CNIH4: variants seen among roughly 807,000 people sequenced by gnomAD.
CNIH4 encodes cornichon family member 4, also known as protein cornichon homolog 4.
In CNIH4, 9 loss-of-function variants were observed where a neutral mutation model predicts 21.5. The ratio of observed to expected loss-of-function variants is 0.42; its 90% CI spans 0.25 to 0.73. The LOEUF is 0.73. Ranked by LOEUF, CNIH4 falls within the 30% of genes least tolerant of loss-of-function variation. The pLI, the probability that CNIH4 is intolerant of heterozygous loss-of-function variation, is 0.27. For synonymous variants in CNIH4, 67 were observed against 59.1 expected, an observed-to-expected ratio of 1.13 and a Z score of -0.61; for missense variants, 159 against 170.0, an observed-to-expected ratio of 0.94 and a Z score of 0.36.
rs181853394 is a variant in CNIH4, at chr1:224,364,295, G to T, written c.139-1584G>T. 1.2e-4 allele frequency: 116 copies of T among 985,424 alleles called. 3 individuals carry two copies. In the African/African-American group the frequency reaches 1.4e-3, roughly 12 times the overall value. The allele number at this position is 985,424 out of a possible 1,614,324, so 61.0% of individuals were successfully genotyped here. ...GTGTCTGTGTAATACAAAGATGACT[G>T]CAGCCTACAGTAAGAAATCCAGAGA... On this transcript the variant is annotated intron_variant, in intron 2 of 4. Transcript: ENST00000465271.
chr1:224,376,711 C>T lies in CNIH4; in HGVS notation c.*889C>T. ...AACACTTCTATCCCTCTGCACTGAC[C>T]ACGTTGTGAACTGGGAGACCAAATG... On this transcript the variant is annotated 3_prime_UTR_variant, in exon 5 of 5. Transcript: ENST00000465271. 1 of 985,414 alleles carries T rather than the reference C, an allele frequency of 1.0e-6. No individual in the cohort carries two copies. The highest frequency in any genetic ancestry group is 1.2e-6 in the Non-Finnish European group (1 of 829,932). The allele number at this position is 985,414 out of a possible 1,614,324, so 61.0% of individuals were successfully genotyped here. A position where few individuals can be genotyped will look rare whatever the true frequency, so the allele number is the denominator to read the frequency against.
At chr1:224,361,423 G>C (rs1302051245) in intron 2 of CNIH4, among the ~76,000 whole-genome samples, 2 of 151,086 alleles carry the variant, frequency 1.3e-5, no homozygotes, top group Non-Finnish European at 3.0e-5. Context: ...CAGCCACCTG[G>C]CTAATTTTTA....
intron 2 of CNIH4, chr1:224,364,319 G>A: frequency 1.0e-6 from 1 of 985,404 alleles, no homozygotes; most frequent in Non-Finnish European, 1.2e-6. Context: ...GAAATCCAGA[G>A]ACTGAAGGCT....
Position 224,365,796 on chromosome 1 carries a change from C to T in CNIH4, c.139-83C>T, listed in dbSNP as rs552252653. 2.1e-5 allele frequency: 18 copies of T among 870,958 alleles called. No individual in the cohort carries two copies. In the East Asian group the frequency reaches 2.4e-4, roughly 12 times the overall value. 54.0% of individuals were successfully genotyped at this position (870,958 alleles called of 1,614,324 possible). A position where few individuals can be genotyped will look rare whatever the true frequency, so the allele number is the denominator to read the frequency against. On this transcript the variant is annotated intron_variant, in intron 2 of 4. Coordinates refer to ENST00000465271, the MANE Select transcript of CNIH4 (RefSeq NM_014184.4). ...AACAGTAGCTTGTAAATTCTCTGTACGTTCATTGATTTAGTTTCAAATAAC... is the reference window on the plus strand; with the variant it reads ...AACAGTAGCTTGTAAATTCTCTGTATGTTCATTGATTTAGTTTCAAATAAC...
At chr1:224,369,663 T>G (rs1012541249) in intron 3 of CNIH4, among the ~76,000 whole-genome samples, 2 of 151,362 alleles carry the variant, frequency 1.3e-5, no homozygotes, top group Middle Eastern at 3.4e-3. Context: ...ATACCCCGTT[T>G]ACCCTGATGT....
chr1:224,371,898 C>T (rs1013476285), intron 4 of CNIH4, among the ~76,000 whole-genome samples: 4 of 152,144 alleles, frequency 2.6e-5, no homozygotes, highest in South Asian at 2.1e-4. Context: ...GCCAGGATCG[C>T]GCCATTGCAC....
In CNIH4 at chr1:224,379,134, G is replaced by C. The variant is rs1672853604; in HGVS notation, c.*3312G>C. 1 of 1,548,894 alleles carries C rather than the reference G, an allele frequency of 6.5e-7. No individual in the cohort carries two copies. The highest frequency in any genetic ancestry group is 8.7e-7 in the Non-Finnish European group (1 of 1,145,482). On this transcript the variant is annotated 3_prime_UTR_variant, in exon 5 of 5. Coordinates refer to ENST00000465271, the MANE Select transcript of CNIH4 (RefSeq NM_014184.4). ...AGAAAGAAGAGGAAGCGAAATCCAA[G>C]ATGCAGCTCAGTTCATCAAAGCCTA...
chr1:224,371,052 T>A (rs1672609826), intron 3 of CNIH4, among the ~76,000 whole-genome samples: 1 of 152,046 alleles, frequency 6.6e-6, no homozygotes, highest in South Asian at 2.1e-4. Context: ...AATTTTTGTA[T>A]TTTTAGTAGA....
chr1:224,369,920 C>T (rs1035226451), intron 3 of CNIH4, among the ~76,000 whole-genome samples: 14 of 152,034 alleles, frequency 9.2e-5, no homozygotes, highest in Middle Eastern at 3.4e-3. Flanking sequence ...GCAATCCTCC[C>T]GCCTCGGCCT....
intron 2 of CNIH4, among the ~76,000 whole-genome samples, chr1:224,363,164 C>T (rs1672349369): frequency 6.6e-6 from 1 of 152,136 alleles, no homozygotes; most frequent in Admixed American, 6.6e-5. Flanking sequence ...TGTGCCTCAG[C>T]CTCCTGAGTA....
In CNIH4 at chr1:224,356,938, T is replaced by A. The variant is rs372251807; in HGVS notation, c.14T>A (p.Val5Glu). 11 of 1,609,562 alleles carry A rather than the reference T, an allele frequency of 6.8e-6. No homozygotes were observed. The highest frequency in any genetic ancestry group is 9.3e-6 in the Non-Finnish European group (11 of 1,177,854). Residue 5 changes from valine (V) to glutamate (E), a missense_variant, in exon 1 of 5, where the codon GTG becomes GAG. By Grantham distance (121) the Val-to-Glu change is moderately radical. Transcript: ENST00000465271. MEAV[V>E]FVFSLLDCCA... ...CGGAGGAGGAGGATGGAGGCGGTGG[T>A]GTTCGTCTTCTCTCTCCTCGATTGT...
At chr1:224,360,751 G>A (rs1672263467) in intron 2 of CNIH4, among the ~76,000 whole-genome samples, 188 bp downstream of exon 2, 3 of 152,128 alleles carry the variant, frequency 2.0e-5, no homozygotes, top group Non-Finnish European at 4.4e-5. Context: ...GATCTGACTT[G>A]AAATTTTGTT....
intron 3 of CNIH4, among the ~76,000 whole-genome samples, chr1:224,369,028 C>T (rs746638476): frequency 1.4e-4 from 21 of 151,938 alleles, no homozygotes; most frequent in Non-Finnish European, 2.4e-4. Context: ...ATATATGTGC[C>T]TCAGCGACCA....
intron 2 of CNIH4, 85 bp from the exon 3 acceptor site, chr1:224,365,794 T>C: frequency 1.2e-6 from 1 of 862,076 alleles, no homozygotes. Flanking sequence ...AAATTCTCTG[T>C]ACGTTCATTG....
Position 224,362,309 on chromosome 1 carries a change from C to G in CNIH4, c.138+1746C>G, listed in dbSNP as rs565915196. ...GTGTTAGCCAGGATGGTCTCAATCT[C>G]CTGACCTCATGATCTGCCCGCCTCA... On this transcript the variant is annotated intron_variant, in intron 2 of 4. Transcript: ENST00000465271. 1.9e-4 allele frequency among the ~76,000 whole-genome samples: 29 copies of G among 151,714 alleles called. 1 individual carries two copies. Among genetic ancestry groups the G allele is most frequent in the East Asian group, 3.9e-4 (2 of 5,120 alleles).
Position 224,375,832 on chromosome 1 carries a change from AGCC to A in CNIH4, c.*12_*14del. 6.2e-7 allele frequency: 1 copy of A among 1,614,112 alleles called. No homozygotes were observed. The highest frequency in any genetic ancestry group is 8.5e-7 in the Non-Finnish European group (1 of 1,179,980). On this transcript the variant is annotated 3_prime_UTR_variant, in exon 5 of 5. Transcript: ENST00000465271. The stretch of plus-strand genomic sequence containing the variant: ...TTTGATAAATGACTGAAGCTGGAGA[AGCC>A]GTGGTTGAAGTCAGCCTACACTACA...
At chr1:224,373,345 C>T (rs889509390) in intron 4 of CNIH4, among the ~76,000 whole-genome samples, 7 of 152,216 alleles carry the variant, frequency 4.6e-5, no homozygotes, top group African/African-American at 7.2e-5. Flanking sequence ...ATCCTCCCCA[C>T]CCCTGCGGTT....
At chr1:224,360,619 T>A in intron 2 of CNIH4, 56 bp downstream of exon 2, 1 of 875,684 alleles carries the variant, frequency 1.1e-6, no homozygotes, top group Non-Finnish European at 1.7e-6. Context: ...TTTCCATACT[T>A]AAGATTATTA....
At chr1:224,361,841 T>C (rs1672297731) in intron 2 of CNIH4, among the ~76,000 whole-genome samples, 1 of 152,180 alleles carries the variant, frequency 6.6e-6, no homozygotes, top group Non-Finnish European at 1.5e-5. Flanking sequence ...CTCTTTGGCC[T>C]CCCAAAGTGT....
Sources: allele counts gnomAD v4.1 joint callset (sites outside exome capture counted in the v4.1 genomes callset), GRCh38; gene constraint gnomAD v4.1.1; transcripts MANE v1.5; gene names NCBI Gene and HGNC (gene_info 2026-07-23, HGNC 2026-07-21).